BABAM2: variants seen among roughly 807,000 people sequenced by gnomAD.
BABAM2 encodes the protein BRISC and BRCA1-A complex member 2.
A neutral mutation model predicts 54.7 loss-of-function variants in BABAM2; 31 were observed. The observed-to-expected ratio is 0.57, with a 90% CI of 0.43 to 0.77. The LOEUF is 0.77. Ranked by LOEUF, BABAM2 falls within the 30% of genes least tolerant of loss-of-function variation. BABAM2 has a pLI of 0.00. For synonymous variants in BABAM2, 167 were observed against 162.9 expected (o/e 1.03, Z -0.19); for missense variants, 364 against 455.8 (o/e 0.80, Z 1.83).
In BABAM2 at chr2:28,286,850, G is replaced by A. The variant is rs190209578; in HGVS notation, c.935-11488G>A. Among the ~76,000 whole-genome samples, 4 of 152,270 alleles carry A rather than the reference G, an allele frequency of 2.6e-5. No individual in the cohort carries two copies. The East Asian group carries it at 7.7e-4, about 29-fold the overall frequency. On this transcript the variant is annotated intron_variant, in intron 10 of 11. Transcript: ENST00000379624. ...CCTTACTCAGCTGGGTTTCCCTAGA[G>A]CCGGCCATGGTATGTGCTCAGGGAA...
chr2:28,279,087 C>A (rs112949994), intron 10 of BABAM2, among the ~76,000 whole-genome samples: 1 of 152,190 alleles, frequency 6.6e-6, no homozygotes, highest in South Asian at 2.1e-4. Context: ...GATGAGAGAA[C>A]CTTCAGCATG....
chr2:28,113,024 C>G (rs1668271627), intron 6 of BABAM2, among the ~76,000 whole-genome samples: 1 of 152,078 alleles, frequency 6.6e-6, no homozygotes. Context: ...CTGTTCATAT[C>G]CTTTGCCCAC....
rs148071600 is a variant in BABAM2 at position 28,080,450 on chromosome 2, T to G, written c.570+34651T>G. Among the ~76,000 whole-genome samples the G allele has an allele frequency of 8.6e-3, 1,303 of 152,312 alleles. 15 individuals carry two copies. Among genetic ancestry groups the G allele is most frequent in the African/African-American group, 0.03 (1,232 of 41,570 alleles). ...ACCAAAATTTGTCTATAGGATAGAC[T>G]ACCTGGATGAGGCAAAAGGATCTAT... On this transcript the variant is annotated intron_variant, in intron 6 of 11. Coordinates refer to ENST00000379624, the MANE Select transcript of BABAM2 (RefSeq NM_199191.3).
intron 6 of BABAM2, among the ~76,000 whole-genome samples, chr2:28,080,433 T>C (rs998908355): frequency 1.3e-5 from 2 of 152,176 alleles, no homozygotes; most frequent in African/African-American, 2.4e-5. Context: ...GTACCAAAAT[T>C]TGTCTATAGG....
intron 7 of BABAM2, among the ~76,000 whole-genome samples, chr2:28,167,697 AAAATAAATAAATAAATAAATAAAT>A (rs141764622): frequency 2.8e-5 from 4 of 145,248 alleles, no homozygotes; most frequent in Non-Finnish European, 4.5e-5. Flanking sequence ...CCATCTCAAA[AAAATAAATAAATAAATAAATAAAT>A]AAATAAATAA....
chr2:28,085,054 T>C (rs1311221942), intron 6 of BABAM2, among the ~76,000 whole-genome samples: 4 of 152,168 alleles, frequency 2.6e-5, no homozygotes, highest in Non-Finnish European at 5.9e-5. Flanking sequence ...AGGAAAACAT[T>C]ACCATCCAGT....
intron 10 of BABAM2, among the ~76,000 whole-genome samples, chr2:28,265,693 T>C (rs1684924005): frequency 6.6e-6 from 1 of 152,062 alleles, no homozygotes; most frequent in Non-Finnish European, 1.5e-5. Flanking sequence ...TCAGCTAACT[T>C]CCCTACTCTT....
intron 10 of BABAM2, among the ~76,000 whole-genome samples, chr2:28,275,464 G>C (rs1685799089): frequency 2.0e-5 from 3 of 152,280 alleles, no homozygotes; most frequent in African/African-American, 7.2e-5. Context: ...TAGGCCTGGG[G>C]TGGGGCTGCT....
intron 11 of BABAM2, among the ~76,000 whole-genome samples, chr2:28,331,144 C>CTT (rs1558536738): frequency 1.4e-4 from 22 of 152,220 alleles, no homozygotes; most frequent in African/African-American, 5.1e-4. Flanking sequence ...ACTGGACCGT[C>CTT]TCCTTACACC....
chr2:28,203,898 C>T (rs1007718898), intron 7 of BABAM2, among the ~76,000 whole-genome samples: 2 of 152,108 alleles, frequency 1.3e-5, no homozygotes, highest in South Asian at 4.2e-4. Context: ...GGAAAGGCTG[C>T]GCCAGTTTAG....
intron 7 of BABAM2, among the ~76,000 whole-genome samples, chr2:28,145,821 A>G (rs1168803380): frequency 6.6e-6 from 1 of 152,224 alleles, no homozygotes; most frequent in African/African-American, 2.4e-5. Context: ...TGTAAGTGGA[A>G]TCATACAATA....
chr2:28,273,527 T>A (rs1685615329), intron 10 of BABAM2, among the ~76,000 whole-genome samples: 1 of 152,188 alleles, frequency 6.6e-6, no homozygotes, highest in Admixed American at 6.5e-5. Context: ...GAGACCAGCC[T>A]GGCCAACATA....
intron 6 of BABAM2, among the ~76,000 whole-genome samples, chr2:28,087,654 G>GT (rs1665776816): frequency 6.6e-6 from 1 of 151,474 alleles, no homozygotes; most frequent in Admixed American, 6.6e-5. Flanking sequence ...TCAATATGAG[G>GT]TGTTTTTTTT....
intron 11 of BABAM2, among the ~76,000 whole-genome samples, chr2:28,316,071 A>G (rs1689527666): frequency 6.6e-6 from 1 of 152,192 alleles, no homozygotes; most frequent in Non-Finnish European, 1.5e-5. Context: ...GTCCAGTTAC[A>G]CTTAAATTTC....
intron 6 of BABAM2, among the ~76,000 whole-genome samples, chr2:28,084,991 G>A (rs916284301): frequency 6.6e-5 from 10 of 152,090 alleles, no homozygotes; most frequent in Admixed American, 6.5e-4. Context: ...TTAAAAAAAC[G>A]GAAAGAAGAC....
chr2:28,274,691 G>C (rs1016592447), intron 10 of BABAM2, among the ~76,000 whole-genome samples: 1 of 152,142 alleles, frequency 6.6e-6, no homozygotes, highest in African/African-American at 2.4e-5. Flanking sequence ...GCCTGGCCCG[G>C]TGTTAGGCAC....
intron 7 of BABAM2, among the ~76,000 whole-genome samples, chr2:28,194,378 T>C (rs1443909421): frequency 6.6e-6 from 1 of 152,106 alleles, no homozygotes; most frequent in African/African-American, 2.4e-5. Flanking sequence ...ATTAAGAAGG[T>C]TGCTGACCTC....
At chr2:28,022,144 A>T (rs950259719) in intron 4 of BABAM2, among the ~76,000 whole-genome samples, 2 of 150,932 alleles carry the variant, frequency 1.3e-5, no homozygotes, top group Non-Finnish European at 2.9e-5. Flanking sequence ...TGTATTTACG[A>T]GAGAGAAATG....
At chr2:28,270,310 A>G (rs1685316751) in intron 10 of BABAM2, among the ~76,000 whole-genome samples, 1 of 152,144 alleles carries the variant, frequency 6.6e-6, no homozygotes, top group Non-Finnish European at 1.5e-5. Flanking sequence ...TTGTAGAGAC[A>G]GGGTTTTGCT....
Sources: gnomAD v4.1 joint callset for allele counts (sites outside exome capture counted in the v4.1 genomes callset) on GRCh38, gnomAD v4.1.1 for gene constraint, MANE v1.5 for transcripts, NCBI Gene and HGNC (gene_info 2026-07-23, HGNC 2026-07-21) for gene names.